RAB21: variants seen among roughly 807,000 people sequenced by gnomAD.
RAB21 encodes the protein ras-related protein Rab-21.
Under a neutral mutation model 33.1 loss-of-function variants are expected in RAB21, and 13 were observed. The observed-to-expected ratio is 0.39, with a 90% CI of 0.26 to 0.62. RAB21 has a LOEUF of 0.62. Ranked by LOEUF, RAB21 falls within the 20% of genes least tolerant of loss-of-function variation. RAB21 has a pLI of 0.48. For missense variants in RAB21, 234 were observed against 279.1 expected (o/e 0.84, Z 1.15); for synonymous variants, 91 against 103.7 (o/e 0.88, Z 0.74).
intron 6 of RAB21, among the ~76,000 whole-genome samples, chr12:71,785,038 G>GT: frequency 6.6e-6 from 1 of 152,268 alleles, no homozygotes; most frequent in Middle Eastern, 3.4e-3. Flanking sequence ...GCTGCAGTGA[G>GT]TAAGTGATGA....
At position 71,798,454 on chromosome 12, in the gene RAB21, A is replaced by G. The variant is rs1437973425; in HGVS notation, c.*12781A>G. 1 of 152,220 alleles carries G rather than the reference A, an allele frequency of 6.6e-6. No individual in the cohort carries two copies. Among genetic ancestry groups the G allele is most frequent in the East Asian group, 1.9e-4 (1 of 5,196 alleles). 9.4% of individuals were successfully genotyped at this position (152,220 alleles called of 1,614,324 possible). On this transcript the variant is annotated 3_prime_UTR_variant, in exon 7 of 7. Coordinates refer to ENST00000261263, the MANE Select transcript of RAB21 (RefSeq NM_014999.4). ...CAAAAAACCACCATAAGCATAGTCTAAAGAAAAATGACAAATTTGGAAAAA... is the reference window on the plus strand; with the variant it reads ...CAAAAAACCACCATAAGCATAGTCTGAAGAAAAATGACAAATTTGGAAAAA...
At chr12:71,769,574 G>T (rs1008125383) in intron 1 of RAB21, among the ~76,000 whole-genome samples, 6 of 151,996 alleles carry the variant, frequency 3.9e-5, no homozygotes, top group African/African-American at 9.7e-5. Context: ...CTTATTTTCT[G>T]TGTGTTTTGT....
Position 71,789,650 on chromosome 12 carries a change from A to C in RAB21, c.*3977A>C. 1 of 152,068 alleles carries C rather than the reference A, an allele frequency of 6.6e-6. No individual in the cohort carries two copies. The highest frequency in any genetic ancestry group is 1.9e-4 in the East Asian group (1 of 5,202). 9.4% of individuals were successfully genotyped at this position (152,068 alleles called of 1,614,324 possible). A position where few individuals can be genotyped will look rare whatever the true frequency, so the allele number is the denominator to read the frequency against. On this transcript the variant is annotated 3_prime_UTR_variant, in exon 7 of 7. Coordinates refer to ENST00000261263, the MANE Select transcript of RAB21 (RefSeq NM_014999.4). ...ATATAAACTGAGTAGATCCCTAAGTACTCTTCTCTAAATTATAAAATGCAT... is the reference window on the plus strand; with the variant it reads ...ATATAAACTGAGTAGATCCCTAAGTCCTCTTCTCTAAATTATAAAATGCAT...
intron 1 of RAB21, among the ~76,000 whole-genome samples, chr12:71,761,796 T>G (rs913079806): frequency 2.0e-5 from 3 of 152,198 alleles, no homozygotes; most frequent in African/African-American, 7.2e-5. Flanking sequence ...GACACTTGGC[T>G]TTTATTTATT....
Position 71,787,709 on chromosome 12 carries a change from C to A in RAB21, c.*2036C>A, listed in dbSNP as rs1883316434. The A allele has an allele frequency of 6.6e-6, 1 of 152,082 alleles. No homozygotes were observed. The highest frequency in any genetic ancestry group is 1.5e-5 in the Non-Finnish European group (1 of 68,034). The allele number at this position is 152,082 out of a possible 1,614,324, so 9.4% of individuals were successfully genotyped here. On this transcript the variant is annotated 3_prime_UTR_variant, in exon 7 of 7. Transcript: ENST00000261263. ...TTGTCCTTGCTAAACTCAACACAGA[C>A]TTTTCTGTTATGTGTTTTTGAGGAA...
In RAB21 at chr12:71,790,180, C is replaced by G. The variant is rs1883358874; in HGVS notation, c.*4507C>G. The G allele has an allele frequency of 6.6e-6, 1 of 152,146 alleles. No individual in the cohort carries two copies. The highest frequency in any genetic ancestry group is 2.1e-4 in the South Asian group (1 of 4,832). 9.4% of individuals were successfully genotyped at this position (152,146 alleles called of 1,614,324 possible). On this transcript the variant is annotated 3_prime_UTR_variant, in exon 7 of 7. Coordinates refer to ENST00000261263, the MANE Select transcript of RAB21 (RefSeq NM_014999.4). ...GTTAGGTCTCTTATTCTTAAAGCATCTTTCTTTAGAAGTCTGCACATATTT... is the reference window on the plus strand; with the variant it reads ...GTTAGGTCTCTTATTCTTAAAGCATGTTTCTTTAGAAGTCTGCACATATTT...
chr12:71,772,917 C>T (rs2137649510), intron 3 of RAB21, among the ~76,000 whole-genome samples: 1 of 152,266 alleles, frequency 6.6e-6, no homozygotes, highest in South Asian at 2.1e-4. Flanking sequence ...CCTCTTCATT[C>T]TGTAGAGAAT....
At chr12:71,764,112 A>G (rs566792404) in intron 1 of RAB21, among the ~76,000 whole-genome samples, 1 of 152,218 alleles carries the variant, frequency 6.6e-6, no homozygotes, top group African/African-American at 2.4e-5. Context: ...CTATTGTTTA[A>G]TGTTACTCTC....
In RAB21 at chr12:71,755,161, C is replaced by A; in HGVS notation, c.32C>A (p.Ala11Glu). 1 of 1,278,772 alleles carries A rather than the reference C, an allele frequency of 7.8e-7. No homozygotes were observed. The highest frequency in any genetic ancestry group is 2.8e-5 in the South Asian group (1 of 36,346). 79.2% of individuals were successfully genotyped at this position (1,278,772 alleles called of 1,614,324 possible). A position where few individuals can be genotyped will look rare whatever the true frequency, so the allele number is the denominator to read the frequency against. ...GCGGCCGGCGGCGGCGGCGGCGGGG[C>A]GGCGGCGGCGGGCCGAGCCTACTCG... MAAAGGGGGG[A>E]AAAGRAYSFK... Residue 11 changes from alanine (A) to glutamate (E), a missense_variant, in exon 1 of 7, where the codon GCG (alanine) becomes GAG (glutamate). Physicochemically the swap from Ala to Glu is moderately radical, Grantham distance 107. Coordinates refer to ENST00000261263, the MANE Select transcript of RAB21 (RefSeq NM_014999.4).
chr12:71,761,610 A>G (rs891128680), intron 1 of RAB21, among the ~76,000 whole-genome samples: 2 of 152,174 alleles, frequency 1.3e-5, no homozygotes, highest in Non-Finnish European at 2.9e-5. Context: ...CCTGGGAGAC[A>G]GAGGTTGCAG....
intron 1 of RAB21, among the ~76,000 whole-genome samples, chr12:71,765,386 T>C (rs571274347): frequency 7.2e-5 from 11 of 152,346 alleles, no homozygotes; most frequent in Non-Finnish European, 1.5e-4. Flanking sequence ...ACGAACATTT[T>C]CTTCCACTCT....
intron 1 of RAB21, among the ~76,000 whole-genome samples, chr12:71,758,180 G>A (rs777486981): frequency 6.6e-5 from 10 of 151,928 alleles, no homozygotes; most frequent in Non-Finnish European, 1.5e-4. Context: ...CTACAGGCAT[G>A]TGCCACCATG....
At chr12:71,777,733 G>T (rs897002139) in intron 4 of RAB21, among the ~76,000 whole-genome samples, 1 of 151,954 alleles carries the variant, frequency 6.6e-6, no homozygotes, top group African/African-American at 2.4e-5. Context: ...TTTTTATGTG[G>T]CCTACCTTCC....
chr12:71,769,943 C>CTT (rs578245368), intron 2 of RAB21, 84 bp downstream of exon 2: 587 of 438,150 alleles, frequency 1.3e-3, no homozygotes, highest in East Asian at 2.6e-3. Context: ...TTAGCCAACA[C>CTT]TTTTTTTTTT....
chr12:71,755,674 G>A (rs1882774680), intron 1 of RAB21, among the ~76,000 whole-genome samples: 1 of 152,178 alleles, frequency 6.6e-6, no homozygotes, highest in Admixed American at 6.5e-5. Context: ...CTGCGTATTT[G>A]ATTTTGCGAA....
At chr12:71,783,200 G>A (rs987615499) in intron 6 of RAB21, among the ~76,000 whole-genome samples, 23 of 151,852 alleles carry the variant, frequency 1.5e-4, no homozygotes, top group African/African-American at 5.6e-4. Flanking sequence ...AATAATGGTA[G>A]GGATGCTTAG....
In RAB21 at chr12:71,782,111, C is replaced by T. The variant is rs1327818559; in HGVS notation, c.446+26C>T. ...GTAAGTACTGTGACCCTCCCATTCCCCATCACTCCCTAGTAGAAATCTTCC... is the reference window on the plus strand; with the variant it reads ...GTAAGTACTGTGACCCTCCCATTCCTCATCACTCCCTAGTAGAAATCTTCC... On this transcript the variant is annotated intron_variant, in intron 5 of 6. Coordinates refer to ENST00000261263, the MANE Select transcript of RAB21 (RefSeq NM_014999.4). 3 of 1,575,632 alleles carry T rather than the reference C, an allele frequency of 1.9e-6. 1 individual carries two copies. In the South Asian group the frequency reaches 3.4e-5, roughly 18 times the overall value.
At chr12:71,781,799 A>G (rs1416911926) in intron 4 of RAB21, among the ~76,000 whole-genome samples, 1 of 152,196 alleles carries the variant, frequency 6.6e-6, no homozygotes, top group Admixed American at 6.5e-5. Flanking sequence ...TTTCTTTGTC[A>G]GAGGCTGCAG....
At chr12:71,779,123 T>C (rs1396317675) in intron 4 of RAB21, among the ~76,000 whole-genome samples, 1 of 152,180 alleles carries the variant, frequency 6.6e-6, no homozygotes, top group Non-Finnish European at 1.5e-5. Flanking sequence ...TAGCGACACA[T>C]GCGTACAGTG....
Sources: gnomAD v4.1 joint callset for allele counts (sites outside exome capture counted in the v4.1 genomes callset) on GRCh38, gnomAD v4.1.1 for gene constraint, MANE v1.5 for transcripts, NCBI Gene and HGNC (gene_info 2026-07-23, HGNC 2026-07-21) for gene names.